TNS3: variants seen among roughly 807,000 people sequenced by gnomAD.
TNS3 encodes the protein tensin 3.
A neutral mutation model predicts 140.9 loss-of-function variants in TNS3; 45 were observed. The observed-to-expected ratio is 0.32, with a 90% CI of 0.25 to 0.41. The LOEUF (loss-of-function observed/expected upper bound fraction) is 0.41, where lower values mean the gene tolerates loss of function less well. Among genes scored for constraint, TNS3 ranks in the 10% least tolerant of loss-of-function variants. The pLI is 1.00. For synonymous variants in TNS3, 815 were observed against 788.4 expected (o/e 1.03, Z -0.56); for missense variants, 1,716 against 1,906.7 (o/e 0.90, Z 1.86).
intron 13 of TNS3, among the ~76,000 whole-genome samples, chr7:47,410,706 T>C (rs1793721776): frequency 1.3e-5 from 2 of 152,232 alleles, no homozygotes; most frequent in Non-Finnish European, 2.9e-5. Context: ...GTATAGGGTA[T>C]TTATAATACA....
At position 47,407,515 on chromosome 7, in the gene TNS3, G is replaced by A. The variant is rs1422186740; in HGVS notation, c.723+4212C>T. Among the ~76,000 whole-genome samples, 3 of 152,196 alleles carry A rather than the reference G, an allele frequency of 2.0e-5. No homozygotes were observed. The highest frequency in any genetic ancestry group is 7.2e-5 in the African/African-American group (3 of 41,454). On this transcript the variant is annotated intron_variant, in intron 13 of 30. Transcript: ENST00000311160. The surrounding 1 kb of genome is among the most constrained non-coding windows in gnomAD (Gnocchi z 4.1). ...GACAAACCACAGCCACAGGGACTGGGCCGTCAATGGCACCTGACTGCGCTA... is the reference window on the plus strand; with the variant it reads ...GACAAACCACAGCCACAGGGACTGGACCGTCAATGGCACCTGACTGCGCTA...
At chr7:47,574,917 A>ACC (rs1800642455) in intron 1 of TNS3, among the ~76,000 whole-genome samples, 2 of 152,130 alleles carry the variant, frequency 1.3e-5, no homozygotes, top group African/African-American at 4.8e-5. Context: ...CAAAATGGAA[A>ACC]GAGTTCTGGA....
intron 4 of TNS3, among the ~76,000 whole-genome samples, chr7:47,472,662 G>A (rs945542926): frequency 2.0e-5 from 3 of 152,180 alleles, no homozygotes; most frequent in African/African-American, 7.2e-5. Context: ...AGAAGGCGCA[G>A]GTGAGCCATG....
At chr7:47,578,599 G>C (rs1024796512) in intron 1 of TNS3, among the ~76,000 whole-genome samples, 1 of 151,998 alleles carries the variant, frequency 6.6e-6, no homozygotes, top group East Asian at 1.9e-4. Flanking sequence ...AGAGGGCCAC[G>C]GTGCTCCTGG....
chr7:47,558,482 C>A (rs892472517), intron 1 of TNS3, among the ~76,000 whole-genome samples: 1 of 152,030 alleles, frequency 6.6e-6, no homozygotes, highest in Non-Finnish European at 1.5e-5. Context: ...TCAAAGAGGC[C>A]GACCCCAGCA....
intron 13 of TNS3, among the ~76,000 whole-genome samples, chr7:47,406,920 A>G (rs1288705445): frequency 1.3e-5 from 2 of 152,142 alleles, no homozygotes; most frequent in African/African-American, 4.8e-5. Flanking sequence ...TCCTGTGCTG[A>G]GCATGGCAGA....
intron 17 of TNS3, among the ~76,000 whole-genome samples, chr7:47,360,906 A>G (rs1348294199): frequency 6.6e-6 from 1 of 152,092 alleles, no homozygotes; most frequent in Non-Finnish European, 1.5e-5. Context: ...AGTACCATGG[A>G]TCCCCTGTGT....
chr7:47,311,188 T>C (rs555509179), intron 20 of TNS3, among the ~76,000 whole-genome samples: 1 of 152,268 alleles, frequency 6.6e-6, no homozygotes, highest in East Asian at 1.9e-4. Flanking sequence ...CCACCAACAG[T>C]GTATAAGTGT....
At chr7:47,413,305 G>A (rs1432336088) in intron 12 of TNS3, among the ~76,000 whole-genome samples, 1 of 139,130 alleles carries the variant, frequency 7.2e-6, no homozygotes, top group African/African-American at 2.7e-5. Context: ...AGCCTGGAGT[G>A]CAGTGGTGTG....
At chr7:47,570,815 T>G (rs919362403) in intron 1 of TNS3, among the ~76,000 whole-genome samples, 3 of 152,108 alleles carry the variant, frequency 2.0e-5, no homozygotes, top group Non-Finnish European at 4.4e-5. Flanking sequence ...TCTTATCATT[T>G]TTTTTCTTTC....
At chr7:47,519,772 G>A (rs973244883) in intron 2 of TNS3, among the ~76,000 whole-genome samples, 3 of 148,816 alleles carry the variant, frequency 2.0e-5, no homozygotes, top group African/African-American at 7.4e-5. Context: ...TCATGCAGAG[G>A]CCAGGCTTCG....
At position 47,275,776 on chromosome 7, in the gene TNS3, G is replaced by A. The variant is rs924386930; in HGVS notation, c.*2300C>T. 4.4e-6 allele frequency: 2 copies of A among 455,236 alleles called. No individual in the cohort carries two copies. The highest frequency in any genetic ancestry group is 8.8e-6 in the Non-Finnish European group (2 of 226,784). The allele number at this position is 455,236 out of a possible 1,614,324, so 28.2% of individuals were successfully genotyped here. A position where few individuals can be genotyped will look rare whatever the true frequency, so the allele number is the denominator to read the frequency against. On this transcript the variant is annotated 3_prime_UTR_variant, in exon 31 of 31. Coordinates refer to ENST00000311160, the MANE Select transcript of TNS3 (RefSeq NM_022748.12). ...CGATGCCCTTGACCACGTTTACCTT[G>A]TGTAAAAATCACACCTGGCCAATGA...
Position 47,487,772 on chromosome 7 carries a change from G to A in TNS3, c.-114-6631C>T, listed in dbSNP as rs1395636927. Reference sequence around the variant, plus strand: ...ACATAAAATTACTTTAATCATAATAGTTTTAACTCTAAGATAAGTTGCAAA... The same window carrying A: ...ACATAAAATTACTTTAATCATAATAATTTTAACTCTAAGATAAGTTGCAAA... On this transcript the variant is annotated intron_variant, in intron 3 of 30. Coordinates refer to ENST00000311160, the MANE Select transcript of TNS3 (RefSeq NM_022748.12). 3.9e-5 allele frequency among the ~76,000 whole-genome samples: 6 copies of A among 152,254 alleles called. No individual in the cohort carries two copies. In the East Asian group the frequency reaches 1.2e-3, roughly 29 times the overall value.
At chr7:47,527,427 G>A (rs1046516778) in intron 2 of TNS3, among the ~76,000 whole-genome samples, 4 of 152,112 alleles carry the variant, frequency 2.6e-5, no homozygotes, top group Non-Finnish European at 5.9e-5. Context: ...TTTAGAGCAA[G>A]CTTGATGGAG....
chr7:47,406,335 CTG>C (rs1286766440), intron 13 of TNS3, among the ~76,000 whole-genome samples: 1 of 152,196 alleles, frequency 6.6e-6, no homozygotes, highest in Non-Finnish European at 1.5e-5. Context: ...CTGCTAGTAA[CTG>C]AGTCCAGGGA....
chr7:47,498,306 G>A (rs560364842), intron 3 of TNS3, among the ~76,000 whole-genome samples: 2 of 152,334 alleles, frequency 1.3e-5, no homozygotes, highest in Admixed American at 1.3e-4. Flanking sequence ...TCATTTCACA[G>A]ATGCCGAGAG....
At chr7:47,326,462 T>G (rs923085157) in intron 20 of TNS3, among the ~76,000 whole-genome samples, 1 of 152,126 alleles carries the variant, frequency 6.6e-6, no homozygotes, top group African/African-American at 2.4e-5. Context: ...AGGAACCTTC[T>G]GCACAGGTTT....
intron 2 of TNS3, among the ~76,000 whole-genome samples, chr7:47,527,564 C>T (rs1278044167): frequency 6.6e-6 from 1 of 152,170 alleles, no homozygotes; most frequent in Non-Finnish European, 1.5e-5. Flanking sequence ...GGGGAATGGC[C>T]AGTGACAGGC....
At chr7:47,553,041 G>C (rs974624658) in intron 1 of TNS3, among the ~76,000 whole-genome samples, 2 of 152,200 alleles carry the variant, frequency 1.3e-5, no homozygotes, top group African/African-American at 4.8e-5. Context: ...TTAAGCCAAA[G>C]CCTAATCCAG....
Sources: allele counts gnomAD v4.1 joint callset (sites outside exome capture counted in the v4.1 genomes callset), GRCh38; gene constraint gnomAD v4.1.1; non-coding constraint Gnocchi (gnomAD v3.1); transcripts MANE v1.5; gene names NCBI Gene and HGNC (gene_info 2026-07-23, HGNC 2026-07-21).